Variants in BCLAF3 observed in about 807,000 individuals in gnomAD.
BCLAF3 encodes the protein BCLAF1 and THRAP3 family member 3, also known as transient octamer binding factor 1.
Under a neutral mutation model 51.2 loss-of-function variants are expected in BCLAF3, and 24 were observed. The observed-to-expected ratio is 0.47, with a 90% CI of 0.34 to 0.66. BCLAF3 has a LOEUF of 0.66. Among genes scored for constraint, BCLAF3 ranks in the 30% least tolerant of loss-of-function variants. The pLI is 0.01. For synonymous variants in BCLAF3, 152 were observed against 176.6 expected, an observed-to-expected ratio of 0.86 and a Z score of 1.10; for missense variants, 465 against 525.1, an observed-to-expected ratio of 0.89 and a Z score of 1.12.
At chrX:19,927,045 G>A (rs1041977644) in intron 11 of BCLAF3, among the ~76,000 whole-genome samples, 2 of 111,002 alleles carry the variant, frequency 1.8e-5, no homozygotes, top group African/African-American at 6.6e-5. Flanking sequence ...TGGCCAACAT[G>A]GTGAAACCTC....
chrX:19,986,755 G>A (rs1002787373), intron 1 of BCLAF3, among the ~76,000 whole-genome samples: 2 of 109,100 alleles, frequency 1.8e-5, no homozygotes, highest in African/African-American at 6.7e-5. Flanking sequence ...GGTGATTAGA[G>A]GTCTAGGAAT....
At chrX:19,990,726 G>A (rs1020481484) in intron 1 of BCLAF3, among the ~76,000 whole-genome samples, 182 bp downstream of exon 1, 5 of 112,600 alleles carry the variant, frequency 4.4e-5, no homozygotes, top group African/African-American at 1.3e-4. Flanking sequence ...CGCGCCCAAG[G>A]GAAGGCGCTG....
intron 8 of BCLAF3, among the ~76,000 whole-genome samples, chrX:19,941,698 G>A (rs1338713222): frequency 9.2e-6 from 1 of 108,318 alleles, no homozygotes; most frequent in Admixed American, 9.9e-5. Context: ...TTTGAAGTCA[G>A]GTAGTGTGAT....
chrX:19,963,982 C>T (rs1041248510), intron 4 of BCLAF3, among the ~76,000 whole-genome samples: 1 of 111,787 alleles, frequency 8.9e-6, no homozygotes, highest in African/African-American at 3.3e-5. Flanking sequence ...TGTGATCATG[C>T]CACTGCACTC....
At chrX:19,958,717 G>C (rs761350945) in intron 4 of BCLAF3, among the ~76,000 whole-genome samples, 6 of 112,290 alleles carry the variant, frequency 5.3e-5, no homozygotes, top group Non-Finnish European at 1.1e-4. Context: ...ACATCATCTA[G>C]GTTTGTGTAA....
chrX:19,967,260 G>T (rs1051473493), intron 2 of BCLAF3, among the ~76,000 whole-genome samples: 1 of 111,664 alleles, frequency 9.0e-6, no homozygotes, highest in Non-Finnish European at 1.9e-5. Flanking sequence ...TTAACCGGGG[G>T]AAAAGGGGGA....
At chrX:19,980,412 C>T (rs4416995) in intron 1 of BCLAF3, among the ~76,000 whole-genome samples, 37,836 of 110,952 alleles carry the variant, frequency 0.34, 7,518 homozygotes, top group African/African-American at 0.76. Flanking sequence ...ACATCAGTCA[C>T]GAAGTTCCTT....
chrX:19,944,979 T>C (rs1202214871), intron 8 of BCLAF3, among the ~76,000 whole-genome samples: 2 of 101,903 alleles, frequency 2.0e-5, no homozygotes, highest in Non-Finnish European at 4.0e-5. Flanking sequence ...CATTTCTTTT[T>C]ATTCTTTTTT....
chrX:19,935,920 T>A, intron 9 of BCLAF3, 22 bp from the exon 10 acceptor site: 1 of 1,124,248 alleles, frequency 8.9e-7, no homozygotes, highest in Non-Finnish European at 1.2e-6. Context: ...AAAGTAGTAG[T>A]GTGGGTTAAC....
chrX:19,930,435 T>C (rs1252745583), intron 10 of BCLAF3: 1 of 112,568 alleles, frequency 8.9e-6, no homozygotes, highest in Non-Finnish European at 1.8e-5. Context: ...GAGTCAATGA[T>C]GGTGAGAAAG....
At chrX:19,943,639 G>C (rs1325421477) in intron 8 of BCLAF3, among the ~76,000 whole-genome samples, 10 of 97,662 alleles carry the variant, frequency 1.0e-4, no homozygotes, top group Middle Eastern at 5.0e-3. Context: ...GTCTGAGAGA[G>C]AGTTTGTTAT....
intron 8 of BCLAF3, among the ~76,000 whole-genome samples, chrX:19,937,884 G>A (rs1389484016): frequency 9.0e-6 from 1 of 111,704 alleles, no homozygotes; most frequent in African/African-American, 3.3e-5. Context: ...TAGAACCTTT[G>A]GCAGCACTGC....
At chrX:19,921,934 T>C (rs757666886) in intron 11 of BCLAF3, among the ~76,000 whole-genome samples, 131 of 108,501 alleles carry the variant, frequency 1.2e-3, no homozygotes, top group African/African-American at 4.3e-3. Context: ...ATCTGGGAGG[T>C]GGAGGTTGCA....
At chrX:19,953,088 T>G (rs781509360) in intron 6 of BCLAF3, 37 bp from the exon 7 acceptor site, 2 of 971,735 alleles carry the variant, frequency 2.1e-6, no homozygotes, top group South Asian at 4.3e-5. Flanking sequence ...TAAATAATTA[T>G]GTTATACACT....
rs752438195 is a variant in BCLAF3, at chrX:19,919,899, A to AAC, written c.2107-2567_2107-2566dup. ...AAAAAAGGTTGTACAGAAAAGGGTT[A>AAC]ACACAGCAGATCTGACTGCTGTCCT... On this transcript the variant is annotated intron_variant, in intron 11 of 11. Transcript: ENST00000379682. 3.5e-3 allele frequency among the ~76,000 whole-genome samples: 385 copies of AAC among 109,598 alleles called. 2 individuals are homozygous for AAC. The highest frequency in any genetic ancestry group is 0.012 in the African/African-American group (360 of 30,083).
chrX:19,926,981 CT>C (rs1448982440), intron 11 of BCLAF3, among the ~76,000 whole-genome samples: 1 of 111,528 alleles, frequency 9.0e-6, no homozygotes, highest in Non-Finnish European at 1.9e-5. Context: ...AATGCCAGCA[CT>C]TTGGGAGGCC....
chrX:19,914,813 A>T lies in BCLAF3; in HGVS notation c.*2492T>A, dbSNP rs944697647. The T allele has an allele frequency of 8.9e-6, 1 of 112,002 alleles. No homozygotes were observed. Among genetic ancestry groups the T allele is most frequent in the African/African-American group, 3.2e-5 (1 of 30,839 alleles). The allele number at this position is 112,002 out of a possible 1,213,427, so 9.2% of individuals were successfully genotyped here. On this transcript the variant is annotated 3_prime_UTR_variant, in exon 12 of 12. Transcript: ENST00000379682. ...ATCAATTTTTAAAACCAGTAAAACC[A>T]CCAACAGAATAGTGCCTTCTGAGGT...
intron 1 of BCLAF3, among the ~76,000 whole-genome samples, chrX:19,988,597 C>T (rs765905875): frequency 3.6e-4 from 40 of 111,672 alleles, no homozygotes; most frequent in Non-Finnish European, 6.4e-4. Context: ...CATAGTGAGA[C>T]ACTGTCTCTA....
intron 11 of BCLAF3, among the ~76,000 whole-genome samples, chrX:19,921,298 C>CA (rs966102480): frequency 5.4e-5 from 6 of 111,549 alleles, no homozygotes; most frequent in South Asian, 7.4e-4. Flanking sequence ...CCAAAGCTTC[C>CA]AAAAACAGAT....
Sources: allele counts gnomAD v4.1 joint callset (sites outside exome capture counted in the v4.1 genomes callset), GRCh38; gene constraint gnomAD v4.1.1; transcripts MANE v1.5; gene names NCBI Gene and HGNC (gene_info 2026-07-23, HGNC 2026-07-21).